The following ANKRD30B variants were observed in gnomAD, a reference collection of about 807,000 sequenced individuals.
The protein encoded by ANKRD30B is ankyrin repeat domain-containing protein 30B.
A neutral mutation model predicts 202.2 loss-of-function variants in ANKRD30B; 144 were observed. The observed-to-expected ratio is 0.71, with a 90% CI of 0.62 to 0.82. The LOEUF is 0.82. Among genes scored for constraint, ANKRD30B ranks in the 40% least tolerant of loss-of-function variants. ANKRD30B has a pLI of 0.00. For missense variants in ANKRD30B, 1,487 were observed against 1,669.1 expected (o/e 0.89, Z 1.90); for synonymous variants, 508 against 561.3 (o/e 0.91, Z 1.34).
chr18:14,818,488 T>A (rs1366672243), intron 30 of ANKRD30B, among the ~76,000 whole-genome samples: 1 of 149,822 alleles, frequency 6.7e-6, no homozygotes, highest in Admixed American at 6.6e-5. Context: ...ATTAGGTATA[T>A]CTCCTAATGC....
At chr18:14,902,958 A>G in the ANKRD30B span, among the ~76,000 whole-genome samples, 12 of 152,346 alleles carry the variant, frequency 7.9e-5, no homozygotes, top group African/African-American at 2.6e-4. Flanking sequence ...CTGCTGTAAC[A>G]AATTACTACC....
chr18:14,900,103 A>G, the ANKRD30B span, among the ~76,000 whole-genome samples: 2 of 152,172 alleles, frequency 1.3e-5, no homozygotes, highest in African/African-American at 4.8e-5. Context: ...GTATGCCTTT[A>G]GTTAAATTAA....
intron 10 of ANKRD30B, among the ~76,000 whole-genome samples, chr18:14,779,692 G>A (rs916636808): frequency 6.6e-6 from 1 of 152,094 alleles, no homozygotes; most frequent in African/African-American, 2.4e-5. Flanking sequence ...GGGAGAAGAG[G>A]ATATTATTTC....
intron 14 of ANKRD30B, among the ~76,000 whole-genome samples, chr18:14,785,552 T>C (rs990330058): frequency 3.9e-5 from 6 of 152,224 alleles, no homozygotes; most frequent in Non-Finnish European, 7.3e-5. Context: ...GTAAAATATT[T>C]AAAATATTTC....
intron 37 of ANKRD30B, among the ~76,000 whole-genome samples, chr18:14,841,530 A>G (rs545975465): frequency 2.0e-5 from 3 of 152,266 alleles, no homozygotes; most frequent in Admixed American, 2.0e-4. Context: ...ACCAGAGGGG[A>G]AAAAAGAGGT....
rs1598703872 is a variant in ANKRD30B at position 14,837,509 on chromosome 18, A to C, written c.2927-106A>C. 3 of 1,013,978 alleles carry C rather than the reference A, an allele frequency of 3.0e-6. No individual in the cohort carries two copies. The East Asian group carries it at 8.2e-5, about 28-fold the overall frequency. The allele number at this position is 1,013,978 out of a possible 1,614,324, so 62.8% of individuals were successfully genotyped here. On this transcript the variant is annotated intron_variant, in intron 35 of 43. Coordinates refer to ENST00000690538, the MANE Select transcript of ANKRD30B (RefSeq NM_001367607.2). The stretch of plus-strand genomic sequence containing the variant: ...ATTCTGAAATTCTATTTTTGCTATT[A>C]TTTTTATTTTTGAAATACTCATAAA...
At chr18:14,908,086 A>G in the ANKRD30B span, among the ~76,000 whole-genome samples, 120 of 152,324 alleles carry the variant, frequency 7.9e-4, 2 homozygotes, top group East Asian at 0.019. Flanking sequence ...GGTTTGCAGC[A>G]TGACCGAAAA....
At chr18:14,777,910 C>A in intron 9 of ANKRD30B, 75 bp from the exon 10 acceptor site, 1 of 1,023,398 alleles carries the variant, frequency 9.8e-7, no homozygotes, top group South Asian at 1.5e-5. Context: ...ACCACTGAGC[C>A]ACCCTGTGAG....
chr18:14,896,822 G>C, the ANKRD30B span, among the ~76,000 whole-genome samples: 3 of 146,948 alleles, frequency 2.0e-5, no homozygotes, highest in African/African-American at 7.6e-5. Flanking sequence ...ACAAGAGCCA[G>C]TAATATTTTA....
At chr18:14,860,727 C>G in the ANKRD30B span, among the ~76,000 whole-genome samples, 6 of 151,046 alleles carry the variant, frequency 4.0e-5, no homozygotes, top group African/African-American at 1.5e-4. Flanking sequence ...TTTTTGGAGA[C>G]AGAGTCTCAC....
chr18:14,755,342 T>C (rs575168276), intron 4 of ANKRD30B, among the ~76,000 whole-genome samples: 5 of 152,118 alleles, frequency 3.3e-5, no homozygotes, highest in Non-Finnish European at 7.4e-5. Context: ...TATTGAATTA[T>C]TAACAGTTTT....
At chr18:14,772,352 T>G in intron 9 of ANKRD30B, 124 bp downstream of exon 9, 2 of 532,482 alleles carry the variant, frequency 3.8e-6, no homozygotes, top group Non-Finnish European at 6.0e-6. Flanking sequence ...GATAAAAACA[T>G]TTTATAGAAA....
intron 7 of ANKRD30B, among the ~76,000 whole-genome samples, chr18:14,765,277 A>G (rs1915934864): frequency 6.6e-6 from 1 of 152,038 alleles, no homozygotes; most frequent in South Asian, 2.1e-4. Context: ...AGCTTGGCCA[A>G]TATGGTGAAG....
chr18:14,860,988 A>G, the ANKRD30B span, among the ~76,000 whole-genome samples: 3 of 152,194 alleles, frequency 2.0e-5, no homozygotes, highest in Non-Finnish European at 4.4e-5. Flanking sequence ...GGTGCGAGCC[A>G]CTGCACCCAG....
chr18:14,927,171 G>A, the ANKRD30B span, among the ~76,000 whole-genome samples: 1 of 152,154 alleles, frequency 6.6e-6, no homozygotes. Context: ...CTAACAACTA[G>A]GGAATTTAGG....
At chr18:14,843,592 T>TGTGTGTGTGC (rs1179752065) in intron 39 of ANKRD30B, among the ~76,000 whole-genome samples, 1 of 142,404 alleles carries the variant, frequency 7.0e-6, no homozygotes, top group Non-Finnish European at 1.5e-5. Context: ...TGTGTGTGTG[T>TGTGTGTGTGC]GGTGTGCACG....
chr18:14,841,752 G>T (rs1182260263), intron 37 of ANKRD30B, among the ~76,000 whole-genome samples: 1 of 152,146 alleles, frequency 6.6e-6, no homozygotes, highest in Non-Finnish European at 1.5e-5. Context: ...AAATTTGAGT[G>T]AATTCACTTC....
the ANKRD30B span, among the ~76,000 whole-genome samples, chr18:14,861,639 C>T: frequency 6.7e-6 from 1 of 149,754 alleles, no homozygotes; most frequent in Non-Finnish European, 1.5e-5. Context: ...TATTACTAGA[C>T]CTAAGAAAAG....
intron 37 of ANKRD30B, among the ~76,000 whole-genome samples, chr18:14,841,340 C>A (rs1971411696): frequency 6.6e-6 from 1 of 152,154 alleles, no homozygotes; most frequent in Admixed American, 6.5e-5. Flanking sequence ...GGGATTCTGG[C>A]ATTTTTAATA....
Sources: allele counts gnomAD v4.1 joint callset (sites outside exome capture counted in the v4.1 genomes callset), GRCh38; gene constraint gnomAD v4.1.1; transcripts MANE v1.5; gene names NCBI Gene and HGNC (gene_info 2026-07-23, HGNC 2026-07-21).